The following BTRC variants were observed in gnomAD, a reference collection of about 807,000 sequenced individuals.
BTRC encodes beta-transducin repeat containing E3 ubiquitin protein ligase.
Under a neutral mutation model 85.5 loss-of-function variants are expected in BTRC, and 42 were observed. That is an observed-to-expected ratio of 0.49 (90% CI 0.38 to 0.64). The LOEUF (loss-of-function observed/expected upper bound fraction) is 0.64. Ranked by LOEUF, BTRC falls within the 30% of genes least tolerant of loss-of-function variation. BTRC has a pLI of 0.00. For missense variants in BTRC, 594 were observed against 743.5 expected (o/e 0.80, Z 2.34); for synonymous variants, 255 against 263.3 (o/e 0.97, Z 0.30).
At chr10:101,430,075 TAGA>T (rs559003888) in intron 1 of BTRC, among the ~76,000 whole-genome samples, 50 of 152,282 alleles carry the variant, frequency 3.3e-4, no homozygotes, top group Middle Eastern at 6.8e-3. Context: ...GACTGATACA[TAGA>T]AGAATAGGGA....
intron 2 of BTRC, among the ~76,000 whole-genome samples, chr10:101,440,820 A>T (rs1944660607): frequency 6.6e-6 from 1 of 152,216 alleles, no homozygotes; most frequent in Non-Finnish European, 1.5e-5. Context: ...ATGCACTGGA[A>T]AAATGGTGTT....
intron 4 of BTRC, among the ~76,000 whole-genome samples, chr10:101,517,357 CA>C (rs1405306876): frequency 6.6e-6 from 1 of 152,154 alleles, no homozygotes; most frequent in Admixed American, 6.5e-5. Flanking sequence ...CTCAAGAGTT[CA>C]GGGCTGCAGT....
At chr10:101,393,788 G>A (rs927514032) in intron 1 of BTRC, among the ~76,000 whole-genome samples, 9 of 152,168 alleles carry the variant, frequency 5.9e-5, no homozygotes, top group Non-Finnish European at 1.3e-4. Flanking sequence ...CCTGGCATGT[G>A]CACACCCTGC....
At position 101,553,291 on chromosome 10, in the gene BTRC, T is replaced by A. The variant is rs906718211; in HGVS notation, c.*168T>A. 1 of 152,620 alleles carries A rather than the reference T, an allele frequency of 6.6e-6. No homozygotes were observed. The highest frequency in any genetic ancestry group is 2.4e-5 in the African/African-American group (1 of 41,424). The allele number at this position is 152,620 out of a possible 1,614,324, so 9.5% of individuals were successfully genotyped here. On this transcript the variant is annotated 3_prime_UTR_variant, in exon 15 of 15. Coordinates refer to ENST00000370187, the MANE Select transcript of BTRC (RefSeq NM_033637.4). ...GAGACTCCTGTTGGGACACAGTTGG[T>A]CTGCAGTCGGCCCAGGACGGTCTAC...
chr10:101,385,366 CAAAAAAAAA>C (rs10718968), intron 1 of BTRC, among the ~76,000 whole-genome samples: 1 of 82,924 alleles, frequency 1.2e-5, no homozygotes, highest in African/African-American at 4.3e-5. Context: ...GACTCTGTCT[CAAAAAAAAA>C]AAAAAAAAAG....
intron 4 of BTRC, among the ~76,000 whole-genome samples, chr10:101,490,285 T>G (rs900859411): frequency 6.6e-6 from 1 of 150,402 alleles, no homozygotes. Context: ...CCTTCCTTCC[T>G]TTTCAGTTTT....
At chr10:101,490,389 T>G (rs990877213) in intron 4 of BTRC, among the ~76,000 whole-genome samples, 1 of 152,240 alleles carries the variant, frequency 6.6e-6, no homozygotes, top group Admixed American at 6.5e-5. Flanking sequence ...ATGTGTTACT[T>G]ATTTGGATTC....
At chr10:101,515,478 T>G (rs1319167235) in intron 4 of BTRC, among the ~76,000 whole-genome samples, 2 of 152,038 alleles carry the variant, frequency 1.3e-5, no homozygotes. Context: ...CAATGTTTTA[T>G]AGTTTTCAAT....
At chr10:101,413,438 C>G (rs1436046715) in intron 1 of BTRC, among the ~76,000 whole-genome samples, 1 of 151,996 alleles carries the variant, frequency 6.6e-6, no homozygotes, top group Non-Finnish European at 1.5e-5. Context: ...CTCAGCCTCC[C>G]GAGTAGCTGG....
At chr10:101,438,788 C>T (rs1231685882) in intron 2 of BTRC, among the ~76,000 whole-genome samples, 3 of 152,092 alleles carry the variant, frequency 2.0e-5, no homozygotes, top group Admixed American at 6.5e-5. Flanking sequence ...AACTGCAGCA[C>T]AGTGCAATCT....
intron 1 of BTRC, among the ~76,000 whole-genome samples, chr10:101,428,899 C>G (rs1159402078): frequency 6.6e-6 from 1 of 152,164 alleles, no homozygotes; most frequent in African/African-American, 2.4e-5. Context: ...CTCCTGGGCT[C>G]AAGCGATCCA....
chr10:101,491,521 C>G (rs1169131794), intron 4 of BTRC, among the ~76,000 whole-genome samples: 4 of 152,044 alleles, frequency 2.6e-5, no homozygotes, highest in African/African-American at 9.7e-5. Flanking sequence ...GTGCTGAAAC[C>G]CAGTTTCTAC....
At chr10:101,432,519 G>GT (rs920103220) in intron 2 of BTRC, among the ~76,000 whole-genome samples, 1 of 151,982 alleles carries the variant, frequency 6.6e-6, no homozygotes, top group African/African-American at 2.4e-5. Flanking sequence ...GTTTTGTTTT[G>GT]TTTTTTAACC....
chr10:101,408,720 A>G (rs1943696048), intron 1 of BTRC, among the ~76,000 whole-genome samples: 1 of 151,880 alleles, frequency 6.6e-6, no homozygotes, highest in Non-Finnish European at 1.5e-5. Context: ...TTTTGTTTTA[A>G]TGATTGCTTT....
chr10:101,460,062 A>T (rs1246442147), intron 2 of BTRC, among the ~76,000 whole-genome samples: 2 of 152,034 alleles, frequency 1.3e-5, no homozygotes, highest in African/African-American at 4.8e-5. Flanking sequence ...ACACTGAATT[A>T]AACAGGTTTA....
intron 4 of BTRC, among the ~76,000 whole-genome samples, chr10:101,493,039 G>A (rs528563150): frequency 1.3e-5 from 2 of 152,258 alleles, no homozygotes; most frequent in East Asian, 3.9e-4. Context: ...TGAAACTTCT[G>A]AAGTTGGAGG....
intron 1 of BTRC, among the ~76,000 whole-genome samples, chr10:101,383,567 C>A (rs10732790): frequency 1 from 152,090 of 152,250 alleles, 75,965 homozygotes; most frequent in Middle Eastern, 1. Context: ...TGGTTCGATC[C>A]TAGCTTATTG....
chr10:101,382,559 TATA>T (rs1460294311), intron 1 of BTRC, among the ~76,000 whole-genome samples: 2 of 152,116 alleles, frequency 1.3e-5, no homozygotes, highest in Non-Finnish European at 2.9e-5. Context: ...TCAGAAGGCA[TATA>T]ATGTCAGTTT....
intron 2 of BTRC, among the ~76,000 whole-genome samples, chr10:101,432,089 T>C (rs1944416879): frequency 6.6e-6 from 1 of 152,112 alleles, no homozygotes; most frequent in South Asian, 2.1e-4. Flanking sequence ...GTAATTGATA[T>C]CCTGAGACTG....
Sources: gnomAD v4.1 joint callset for allele counts (sites outside exome capture counted in the v4.1 genomes callset) on GRCh38, gnomAD v4.1.1 for gene constraint, MANE v1.5 for transcripts, NCBI Gene and HGNC (gene_info 2026-07-23, HGNC 2026-07-21) for gene names.